The following UBE2D3 variants were observed in gnomAD, a reference collection of about 807,000 sequenced individuals.
UBE2D3 encodes ubiquitin-conjugating enzyme E2 D3.
Under a neutral mutation model 22.8 loss-of-function variants are expected in UBE2D3, and 2 were observed. The observed-to-expected ratio is 0.09, with a 90% CI of 0.04 to 0.28. The LOEUF is 0.28. Among genes scored for constraint, UBE2D3 ranks in the 10% least tolerant of loss-of-function variants. UBE2D3 has a pLI of 1.00. For missense variants in UBE2D3, 27 were observed against 182.5 expected, an observed-to-expected ratio of 0.15 and a Z score of 4.91; for synonymous variants, 56 against 60.4, an observed-to-expected ratio of 0.93 and a Z score of 0.34.
Position 102,799,006 on chromosome 4 carries a change from T to G in UBE2D3, c.398+401A>C, listed in dbSNP as rs745318995. The G allele has an allele frequency of 1.6e-5, 25 of 1,590,260 alleles. No individual in the cohort carries two copies. The East Asian group carries it at 4.5e-4, about 28-fold the overall frequency. On this transcript the variant is annotated intron_variant, in intron 7 of 7. Transcript: ENST00000453744. ...ATTGAACAAGTACACTTAGCATTAA[T>G]TATAACATATGAAAGTTATAATGGT... is the stretch of plus-strand genomic sequence containing the variant.
intron 1 of UBE2D3, among the ~76,000 whole-genome samples, chr4:102,853,799 G>C (rs997649911): frequency 2.0e-5 from 3 of 152,046 alleles, no homozygotes; most frequent in African/African-American, 7.2e-5. Flanking sequence ...AAAAAGGAAA[G>C]AAAAATAGCT....
chr4:102,827,456 G>C lies in UBE2D3; in HGVS notation c.-158C>G. The C allele has an allele frequency of 1.0e-6, 1 of 986,216 alleles. No individual in the cohort carries two copies. The highest frequency in any genetic ancestry group is 1.2e-6 in the Non-Finnish European group (1 of 830,182). The allele number at this position is 986,216 out of a possible 1,614,324, so 61.1% of individuals were successfully genotyped here. On this transcript the variant is annotated 5_prime_UTR_variant, in exon 1 of 8. Coordinates refer to ENST00000453744, the MANE Select transcript of UBE2D3 (RefSeq NM_181891.3). The stretch of plus-strand genomic sequence containing the variant: ...GGGCCGGGGCCTCCCTCAAGCTGCG[G>C]CCTCGGCCTCCTCCCCGCGCGGCAG...
chr4:102,816,946 C>G (rs1369673455), intron 2 of UBE2D3, among the ~76,000 whole-genome samples: 1 of 152,128 alleles, frequency 6.6e-6, no homozygotes, highest in East Asian at 1.9e-4. Context: ...CTTTAACAAC[C>G]TACATGCTTA....
rs185747474 is a variant in UBE2D3 at position 102,838,360 on chromosome 4, T to G, written c.-128-11724A>C. ...CTTCCCAGCTCTGTGTTCAGTGATG[T>G]TCTTTGGAACATGACACAGTACCAC... On this transcript the variant is annotated intron_variant, in intron 1 of 7. Transcript: ENST00000338145. Among the ~76,000 whole-genome samples, 5 of 152,286 alleles carry G rather than the reference T, an allele frequency of 3.3e-5. No homozygotes were observed. The East Asian group carries it at 9.7e-4, about 29-fold the overall frequency.
intron 2 of UBE2D3, among the ~76,000 whole-genome samples, chr4:102,825,005 G>A (rs564084773): frequency 2.0e-5 from 3 of 152,116 alleles, no homozygotes; most frequent in Admixed American, 2.0e-4. Flanking sequence ...CCAAAATGAC[G>A]ATGTTATGAA....
intron 4 of UBE2D3, 157 bp from the exon 5 acceptor site, chr4:102,802,795 G>GA (rs1484489531): frequency 6.6e-6 from 3 of 457,838 alleles, no homozygotes; most frequent in African/African-American, 4.0e-5. Context: ...TATAGTAATA[G>GA]AAAAAAACTT....
intron 1 of UBE2D3, among the ~76,000 whole-genome samples, chr4:102,840,016 T>C (rs1331342389): frequency 1.3e-5 from 2 of 152,132 alleles, no homozygotes; most frequent in Non-Finnish European, 2.9e-5. Context: ...CCAATAAGTA[T>C]ATGAAAAATG....
chr4:102,806,914 T>TA (rs1283685460), intron 4 of UBE2D3, among the ~76,000 whole-genome samples: 1 of 152,108 alleles, frequency 6.6e-6, no homozygotes, highest in African/African-American at 2.4e-5. Context: ...TTTTAGTCAA[T>TA]AGTTGTGCTT....
chr4:102,855,157 G>A (rs1220812216), intron 1 of UBE2D3, among the ~76,000 whole-genome samples: 1 of 152,196 alleles, frequency 6.6e-6, no homozygotes, highest in Non-Finnish European at 1.5e-5. Context: ...AGCAAAGAGA[G>A]AGCATCAGTT....
intron 1 of UBE2D3, among the ~76,000 whole-genome samples, chr4:102,853,137 T>C (rs527950): frequency 0.013 from 358 of 28,480 alleles, 2 homozygotes; most frequent in African/African-American, 0.024. Context: ...ACACACACAT[T>C]TTTTTTTTTT....
At chr4:102,807,908 A>G (rs192747089) in intron 4 of UBE2D3, among the ~76,000 whole-genome samples, 101 of 152,328 alleles carry the variant, frequency 6.6e-4, no homozygotes, top group Non-Finnish European at 6.0e-4. Context: ...AAAACCAACT[A>G]GTTTTAAAGA....
At chr4:102,853,125 A>G (rs1732444302) in intron 1 of UBE2D3, among the ~76,000 whole-genome samples, 1 of 142,022 alleles carries the variant, frequency 7.0e-6, no homozygotes, top group African/African-American at 2.7e-5. Flanking sequence ...AATTACACAC[A>G]AACACACACA....
intron 2 of UBE2D3, among the ~76,000 whole-genome samples, chr4:102,813,321 G>T (rs1481061816): frequency 6.6e-6 from 1 of 152,134 alleles, no homozygotes; most frequent in African/African-American, 2.4e-5. Flanking sequence ...TAAGCAGCTG[G>T]AGTTGCAGGT....
intron 2 of UBE2D3, 60 bp from the exon 3 acceptor site, chr4:102,809,915 G>C: frequency 1.1e-5 from 11 of 1,046,498 alleles, no homozygotes; most frequent in Non-Finnish European, 1.5e-5. Context: ...ACAAGCAAAT[G>C]AGTCCACTGC....
exon 1 of UBE2D3, chr4:102,868,857 T>G (rs1733319017): frequency 2.0e-6 from 3 of 1,526,634 alleles, no homozygotes; most frequent in Admixed American, 1.8e-5. Flanking sequence ...GAGGAGGGCC[T>G]CGCTACCCGC....
chr4:102,859,875 T>C (rs1284262313), intron 1 of UBE2D3, among the ~76,000 whole-genome samples: 1 of 151,070 alleles, frequency 6.6e-6, no homozygotes, highest in African/African-American at 2.4e-5. Flanking sequence ...ATATGGAGTC[T>C]CGCTCTGTCA....
intron 2 of UBE2D3, among the ~76,000 whole-genome samples, chr4:102,820,194 G>A (rs570952431): frequency 6.6e-6 from 1 of 152,266 alleles, no homozygotes; most frequent in African/African-American, 2.4e-5. Flanking sequence ...AGTAACTACT[G>A]TAACTGTTCA....
chr4:102,854,408 T>G (rs1362128594), intron 1 of UBE2D3, among the ~76,000 whole-genome samples: 2 of 152,196 alleles, frequency 1.3e-5, no homozygotes, highest in African/African-American at 2.4e-5. Context: ...GAAAGAGAGA[T>G]ATTGAAGTCT....
intron 1 of UBE2D3, among the ~76,000 whole-genome samples, chr4:102,853,172 T>C (rs991291110): frequency 9.2e-6 from 1 of 109,012 alleles, no homozygotes; most frequent in African/African-American, 4.0e-5. Context: ...AGACGGAGTT[T>C]CGCTCTGTCG....
Sources: allele counts gnomAD v4.1 joint callset (sites outside exome capture counted in the v4.1 genomes callset), GRCh38; gene constraint gnomAD v4.1.1; transcripts MANE v1.5; gene names NCBI Gene and HGNC (gene_info 2026-07-23, HGNC 2026-07-21).